The following PPEF2 variants were observed in gnomAD, a reference collection of about 807,000 sequenced individuals.
PPEF2 encodes protein phosphatase with EF-hand domain 2.
PPEF2 carries 84 observed loss-of-function variants against 84.7 expected under a neutral mutation model. The ratio of observed to expected loss-of-function variants is 0.99; its 90% CI spans 0.83 to 1.19. The LOEUF (loss-of-function observed/expected upper bound fraction) is 1.19. Among genes scored for constraint, PPEF2 ranks in the 50% most tolerant of loss-of-function variants. The pLI is 0.00. For synonymous variants in PPEF2, 346 were observed against 345.2 expected (o/e 1.00, Z -0.03); for missense variants, 924 against 937.5 (o/e 0.99, Z 0.19).
At chr4:75,861,743 G>C (rs1724006580) in intron 16 of PPEF2, among the ~76,000 whole-genome samples, 1 of 140,202 alleles carries the variant, frequency 7.1e-6, no homozygotes, top group Non-Finnish European at 1.5e-5. Flanking sequence ...CCGAGTAGCT[G>C]GGACTACAGG....
At chr4:75,870,839 A>G (rs528755415) in intron 13 of PPEF2, among the ~76,000 whole-genome samples, 4 of 152,146 alleles carry the variant, frequency 2.6e-5, no homozygotes, top group East Asian at 1.9e-4. Context: ...TGTGGTTGTA[A>G]TCTCTCAACT....
chr4:75,884,476 T>A, intron 8 of PPEF2, 118 bp downstream of exon 8: 1 of 1,275,538 alleles, frequency 7.8e-7, no homozygotes, highest in Non-Finnish European at 1.1e-6. Context: ...ATTCTGCTTT[T>A]TAAAAAAATT....
rs919361499 is a variant in PPEF2, at chr4:75,881,877, C to T, written c.933+1049G>A. ...TTCATGTATGTCTCATATACATAGA[C>T]TTTCATATCCATATCCATTAGAATT... On this transcript the variant is annotated intron_variant, in intron 10 of 16. Transcript: ENST00000286719. 4 of 152,330 alleles carry T rather than the reference C, an allele frequency of 2.6e-5. No individual in the cohort carries two copies. In the South Asian group the frequency reaches 6.2e-4, roughly 24 times the overall value. 9.4% of individuals were successfully genotyped at this position (152,330 alleles called of 1,614,324 possible). A position where few individuals can be genotyped will look rare whatever the true frequency, so the allele number is the denominator to read the frequency against.
chr4:75,884,571 C>T, intron 8 of PPEF2, 23 bp downstream of exon 8: 1 of 1,547,028 alleles, frequency 6.5e-7, no homozygotes, highest in Non-Finnish European at 8.7e-7. Flanking sequence ...ACATCAAATA[C>T]TCAAGCATGT....
chr4:75,899,702 A>C (rs1725078802), intron 1 of PPEF2, among the ~76,000 whole-genome samples: 1 of 152,172 alleles, frequency 6.6e-6, no homozygotes, highest in African/African-American at 2.4e-5. Context: ...TTGTGTGCAA[A>C]ATGGTTCCTA....
At chr4:75,884,171 G>A (rs1229690719) in intron 8 of PPEF2, among the ~76,000 whole-genome samples, 1 of 151,636 alleles carries the variant, frequency 6.6e-6, no homozygotes, top group East Asian at 2.0e-4. Context: ...GCTCACGTCT[G>A]TAAATCCCAG....
chr4:75,883,282 C>T, intron 8 of PPEF2, 80 bp from the exon 9 acceptor site: 2 of 1,320,974 alleles, frequency 1.5e-6, no homozygotes, highest in South Asian at 1.2e-5. Context: ...TAGAAGAATG[C>T]ATATTCTGGG....
chr4:75,862,435 T>A (rs1333098681), intron 16 of PPEF2, among the ~76,000 whole-genome samples: 1 of 151,482 alleles, frequency 6.6e-6, no homozygotes, highest in Non-Finnish European at 1.5e-5. Context: ...AATATATGAA[T>A]AACTCTTACA....
rs149858046 is a variant in PPEF2 at position 75,886,715 on chromosome 4, CA to C, written c.579+136del. On this transcript the variant is annotated intron_variant, in intron 7 of 16. Transcript: ENST00000286719. The stretch of plus-strand genomic sequence containing the variant: ...AGCCTAGGTGGCAGATTGAGACCCC[CA>C]TCTCAAAAAAATAAAAATAAATAAT... 3,666 of 401,910 alleles carry C rather than the reference CA, an allele frequency of 9.1e-3. 27 individuals are homozygous for C. The highest frequency in any genetic ancestry group is 0.013 in the African/African-American group (618 of 46,382). The allele number at this position is 401,910 out of a possible 1,614,324, so 24.9% of individuals were successfully genotyped here.
intron 10 of PPEF2, among the ~76,000 whole-genome samples, chr4:75,879,856 G>A (rs1341692235): frequency 4.0e-5 from 6 of 151,252 alleles, no homozygotes; most frequent in African/African-American, 1.5e-4. Flanking sequence ...TTTGAGATAG[G>A]GGTCTCACTC....
rs376588577 is a variant in PPEF2, at chr4:75,872,136, T to C, written c.1538A>G (p.Tyr513Cys). The part of the protein sequence containing the change: ...VLTIFSASNY[Y>C]EVGSNRGAYV... ...GGCCCCTCTGTTGCTGCCAACTTCA[T>C]AGTAGTTGGAGGCAGAAAAGATTGT... Residue 513 changes from tyrosine (Y) to cysteine (C), a missense_variant, in exon 13 of 17, where the codon TAT (tyrosine) becomes TGT (cysteine). Coordinates refer to ENST00000286719, the MANE Select transcript of PPEF2 (RefSeq NM_006239.3). 10 of 1,613,734 alleles carry C rather than the reference T, an allele frequency of 6.2e-6. No homozygotes were observed. Among genetic ancestry groups the C allele is most frequent in the Non-Finnish European group, 8.5e-6 (10 of 1,179,762 alleles).
At chr4:75,873,861 G>C (rs538435883) in intron 11 of PPEF2, among the ~76,000 whole-genome samples, 49 of 151,530 alleles carry the variant, frequency 3.2e-4, no homozygotes, top group African/African-American at 1.1e-3. Context: ...AATCCCAGTA[G>C]TTTGGGAGGC....
At chr4:75,867,216 C>G (rs933352947) in intron 14 of PPEF2, 97 bp downstream of exon 14, 54 of 863,766 alleles carry the variant, frequency 6.3e-5, no homozygotes, top group Non-Finnish European at 9.1e-5. Flanking sequence ...TTGGGTCACT[C>G]ATTAAAGCAA....
chr4:75,878,350 C>T (rs1724482285), intron 10 of PPEF2, among the ~76,000 whole-genome samples: 1 of 152,198 alleles, frequency 6.6e-6, no homozygotes. Context: ...TGCTGTGCCT[C>T]AGTGCTATGG....
intron 8 of PPEF2, 102 bp from the exon 9 acceptor site, chr4:75,883,304 A>T: frequency 9.6e-7 from 1 of 1,042,998 alleles, no homozygotes; most frequent in Non-Finnish European, 1.5e-6. Flanking sequence ...ATATGTACTT[A>T]AATACATAGA....
At position 75,871,898 on chromosome 4, in the gene PPEF2, T is replaced by C. The variant is rs572041971; in HGVS notation, c.1649+127A>G. The C allele has an allele frequency of 2.4e-5, 25 of 1,028,224 alleles. No individual in the cohort carries two copies. In the East Asian group the frequency reaches 2.5e-4, roughly 10 times the overall value. 63.7% of individuals were successfully genotyped at this position (1,028,224 alleles called of 1,614,324 possible). On this transcript the variant is annotated intron_variant, in intron 13 of 16. Transcript: ENST00000286719. ...TGTCTATTGTATTAATAGAACTTCA[T>C]GCTGACATAGCCAAATTCTGAATTC...
intron 1 of PPEF2, among the ~76,000 whole-genome samples, chr4:75,897,130 G>A (rs1321322031): frequency 2.0e-5 from 3 of 152,120 alleles, no homozygotes; most frequent in African/African-American, 7.2e-5. Context: ...TGGGATTACA[G>A]GCGTGAGCCA....
intron 10 of PPEF2, among the ~76,000 whole-genome samples, chr4:75,881,047 A>G (rs188188792): frequency 0.012 from 1,881 of 150,600 alleles, 47 homozygotes; most frequent in African/African-American, 0.044. Context: ...TGATCCACCC[A>G]TCTCAGCCTC....
rs888436752 is a variant in PPEF2, at chr4:75,897,205, C to T, written c.-58-822G>A. ...CCTTGAGCTTCTGTGATACTAAACT[C>T]TTATGTTTACTCCCATCTTCCTGAC... On this transcript the variant is annotated intron_variant, in intron 1 of 16. Coordinates refer to ENST00000286719, the MANE Select transcript of PPEF2 (RefSeq NM_006239.3). Among the ~76,000 whole-genome samples the T allele has an allele frequency of 1.3e-5, 2 of 152,264 alleles. 1 individual carries two copies. The highest frequency in any genetic ancestry group is 4.1e-4 in the South Asian group (2 of 4,826).
Sources: gnomAD v4.1 joint callset for allele counts (sites outside exome capture counted in the v4.1 genomes callset) on GRCh38, gnomAD v4.1.1 for gene constraint, MANE v1.5 for transcripts, NCBI Gene and HGNC (gene_info 2026-07-23, HGNC 2026-07-21) for gene names.